Variants in GPM6A observed in about 807,000 individuals in gnomAD.
GPM6A encodes the protein neuronal membrane glycoprotein M6-a.
Under a neutral mutation model 32.1 loss-of-function variants are expected in GPM6A, and 7 were observed. The ratio of observed to expected loss-of-function variants is 0.22; its 90% CI spans 0.12 to 0.41. The LOEUF (loss-of-function observed/expected upper bound fraction) is 0.41, where lower values mean the gene tolerates loss of function less well. Ranked by LOEUF, GPM6A falls within the 10% of genes least tolerant of loss-of-function variation. The pLI, the probability that GPM6A is intolerant of heterozygous loss-of-function variation, is 1.00. For synonymous variants in GPM6A, 130 were observed against 123.4 expected, an observed-to-expected ratio of 1.05 and a Z score of -0.35; for missense variants, 235 against 347.2, an observed-to-expected ratio of 0.68 and a Z score of 2.57.
chr4:175,837,433 G>A (rs957335789), intron 1 of GPM6A, among the ~76,000 whole-genome samples: 2 of 152,184 alleles, frequency 1.3e-5, no homozygotes, highest in Middle Eastern at 6.3e-3. Flanking sequence ...GAGAATAACC[G>A]GGAGCAAGAA....
At chr4:175,723,396 C>T (rs1345644794) in intron 1 of GPM6A, among the ~76,000 whole-genome samples, 2 of 152,154 alleles carry the variant, frequency 1.3e-5, no homozygotes, top group Non-Finnish European at 2.9e-5. Flanking sequence ...ATTATCCTGA[C>T]TCCCATTTCA....
At chr4:175,874,578 A>G (rs973396219) in intron 1 of GPM6A, among the ~76,000 whole-genome samples, 3 of 152,162 alleles carry the variant, frequency 2.0e-5, no homozygotes, top group Non-Finnish European at 4.4e-5. Flanking sequence ...AATTGGAGAC[A>G]TTTAATGGTA....
chr4:175,671,283 A>C (rs56397024), intron 3 of GPM6A, among the ~76,000 whole-genome samples: 4,260 of 151,722 alleles, frequency 0.028, 79 homozygotes, highest in Non-Finnish European at 0.038. Flanking sequence ...TAACTAAGGA[A>C]GATTTTTATA....
At chr4:175,897,470 G>A (rs1027424655) in intron 1 of GPM6A, among the ~76,000 whole-genome samples, 12 of 152,086 alleles carry the variant, frequency 7.9e-5, no homozygotes, top group Non-Finnish European at 1.6e-4. Context: ...AAGGGGAGAG[G>A]TGAGGAATGG....
intron 1 of GPM6A, among the ~76,000 whole-genome samples, chr4:175,725,089 G>T (rs1746334686): frequency 1.3e-5 from 2 of 151,988 alleles, no homozygotes; most frequent in South Asian, 4.1e-4. Flanking sequence ...CTCTACTCAG[G>T]TCCATAATGT....
intron 2 of GPM6A, among the ~76,000 whole-genome samples, chr4:175,687,170 G>A (rs1403589734): frequency 6.6e-6 from 1 of 152,076 alleles, no homozygotes; most frequent in Admixed American, 6.6e-5. Flanking sequence ...ATTTTTTATT[G>A]CAGTAAATAA....
intron 1 of GPM6A, among the ~76,000 whole-genome samples, chr4:175,754,712 C>T (rs1732463183): frequency 6.6e-6 from 1 of 152,034 alleles, no homozygotes; most frequent in Non-Finnish European, 1.5e-5. Flanking sequence ...TTTGTTTTAC[C>T]TACAAATAGA....
intron 6 of GPM6A, among the ~76,000 whole-genome samples, chr4:175,636,111 T>G (rs1224706161): frequency 6.6e-6 from 1 of 151,646 alleles, no homozygotes; most frequent in Non-Finnish European, 1.5e-5. Flanking sequence ...AAAAGATGCA[T>G]ACCACTATAA....
chr4:175,939,238 C>T (rs1325330595), intron 1 of GPM6A, among the ~76,000 whole-genome samples: 1 of 152,156 alleles, frequency 6.6e-6, no homozygotes, highest in Non-Finnish European at 1.5e-5. Context: ...ATAAATACTA[C>T]TCAGCTGCTG....
chr4:175,834,703 TA>T (rs1375706214), intron 1 of GPM6A, among the ~76,000 whole-genome samples: 1 of 152,160 alleles, frequency 6.6e-6, no homozygotes, highest in Non-Finnish European at 1.5e-5. Context: ...GCCTGAGTCA[TA>T]AAAATGATAA....
At chr4:175,872,222 A>C (rs1736933497) in intron 1 of GPM6A, among the ~76,000 whole-genome samples, 2 of 152,126 alleles carry the variant, frequency 1.3e-5, no homozygotes, top group African/African-American at 4.8e-5. Context: ...CATGCCTTTC[A>C]GTTCTACACA....
upstream of GPM6A, chr4:176,002,362 G>T (rs1380593621): frequency 1.9e-6 from 3 of 1,570,756 alleles, no homozygotes; most frequent in Admixed American, 5.5e-5. Flanking sequence ...CGAGTGACCA[G>T]ACGCTGCGCG....
intron 1 of GPM6A, among the ~76,000 whole-genome samples, chr4:175,702,880 T>C (rs1256052967): frequency 2.6e-5 from 4 of 152,314 alleles, no homozygotes; most frequent in African/African-American, 4.8e-5. Context: ...CTATATGATA[T>C]TTGAGTGGTG....
chr4:175,788,621 A>G (rs1175955406), intron 1 of GPM6A, among the ~76,000 whole-genome samples: 1 of 151,944 alleles, frequency 6.6e-6, no homozygotes, highest in Non-Finnish European at 1.5e-5. Context: ...CTGAAACTAG[A>G]TTTTATTACT....
At position 175,952,491 on chromosome 4, in the gene GPM6A, G is replaced by A. The variant is rs1412787355; in HGVS notation, c.-23+49818C>T. Among the ~76,000 whole-genome samples the A allele has an allele frequency of 2.6e-5, 4 of 152,206 alleles. No homozygotes were observed. The East Asian group carries it at 7.7e-4, about 29-fold the overall frequency. On this transcript the variant is annotated intron_variant, in intron 1 of 7. Transcript: ENST00000280187. ...TTGCCCATTGTAACAAGGAGCGGAG[G>A]CTACAGTACCTCCACCTTCTTAGGG...
At chr4:175,848,543 A>G (rs762808279) in intron 1 of GPM6A, among the ~76,000 whole-genome samples, 6 of 152,188 alleles carry the variant, frequency 3.9e-5, no homozygotes, top group Non-Finnish European at 5.9e-5. Flanking sequence ...TTTACCCGAA[A>G]ACAGATTATA....
At chr4:175,664,280 G>A (rs540036092) in intron 3 of GPM6A, among the ~76,000 whole-genome samples, 18 of 152,204 alleles carry the variant, frequency 1.2e-4, no homozygotes, top group African/African-American at 1.2e-4. Flanking sequence ...AACATTATAC[G>A]TTTGTCCAAA....
intron 2 of GPM6A, among the ~76,000 whole-genome samples, chr4:175,686,255 G>T (rs1201957611): frequency 6.6e-6 from 1 of 152,170 alleles, no homozygotes; most frequent in Non-Finnish European, 1.5e-5. Flanking sequence ...TTAGATTGGT[G>T]CAAAAGTAAT....
chr4:175,786,190 A>C (rs930374616), intron 1 of GPM6A, among the ~76,000 whole-genome samples: 1 of 152,090 alleles, frequency 6.6e-6, no homozygotes, highest in Non-Finnish European at 1.5e-5. Context: ...AGGAGAAATT[A>C]CTGGGACACT....
Sources: gnomAD v4.1 joint callset for allele counts (sites outside exome capture counted in the v4.1 genomes callset) on GRCh38, gnomAD v4.1.1 for gene constraint, MANE v1.5 for transcripts, NCBI Gene and HGNC (gene_info 2026-07-23, HGNC 2026-07-21) for gene names.